The following KCNJ6 variants were observed in gnomAD, a reference collection of about 807,000 sequenced individuals.
KCNJ6 encodes the protein G protein-activated inward rectifier potassium channel 2.
KCNJ6 carries 9 observed loss-of-function variants against 34.2 expected under a neutral mutation model. The ratio of observed to expected loss-of-function variants is 0.26; its 90% CI spans 0.16 to 0.46. The LOEUF (loss-of-function observed/expected upper bound fraction) is 0.46, where lower values mean the gene tolerates loss of function less well. Ranked by LOEUF, KCNJ6 falls within the 20% of genes least tolerant of loss-of-function variation. KCNJ6 has a pLI of 1.00. For synonymous variants in KCNJ6, 196 were observed against 207.1 expected, an observed-to-expected ratio of 0.95 and a Z score of 0.46; for missense variants, 236 against 531.3, an observed-to-expected ratio of 0.44 and a Z score of 5.46.
chr21:37,655,210 TGTGTGTGTGTGTGTGAGA>T (rs2054453377), intron 3 of KCNJ6, among the ~76,000 whole-genome samples: 1 of 87,124 alleles, frequency 1.1e-5, no homozygotes, highest in Non-Finnish European at 2.3e-5. Flanking sequence ...TGTGTGTGTG[TGTGTGTGTGTGTGTGAGA>T]GAGAGAGAGA....
In KCNJ6 at chr21:37,678,518, C is replaced by A. The variant is rs139017155; in HGVS notation, c.946+35693G>T. 5.6e-3 allele frequency among the ~76,000 whole-genome samples: 856 copies of A among 152,242 alleles called. 3 individuals carry two copies. Among genetic ancestry groups the A allele is most frequent in the Non-Finnish European group, 9.5e-3 (646 of 68,012 alleles). On this transcript the variant is annotated intron_variant, in intron 3 of 3. Transcript: ENST00000609713. ...ATAATTCCCAGAAATACCCAGAAAG[C>A]CTCCATGATAGGCAGTGGTGCCTGG...
intron 1 of KCNJ6, among the ~76,000 whole-genome samples, chr21:37,861,357 G>T (rs1044285080): frequency 3.3e-5 from 5 of 152,130 alleles, no homozygotes; most frequent in Non-Finnish European, 7.3e-5. Context: ...TCCTTATAGG[G>T]TTGTCCCTCT....
At chr21:37,872,481 G>A (rs1296743002) in intron 1 of KCNJ6, among the ~76,000 whole-genome samples, 1 of 152,180 alleles carries the variant, frequency 6.6e-6, no homozygotes, top group Non-Finnish European at 1.5e-5. Context: ...CCCAGGAGGT[G>A]CAGCCTACAG....
intron 2 of KCNJ6, among the ~76,000 whole-genome samples, chr21:37,718,948 G>GGGTGCAGGCCAGGT (rs1287761712): frequency 6.6e-6 from 1 of 152,212 alleles, no homozygotes; most frequent in African/African-American, 2.4e-5. Context: ...GTGAGGCCGT[G>GGGTGCAGGCCAGGT]GGTGCAGGCC....
At chr21:37,891,118 G>C (rs1010005423) in intron 1 of KCNJ6, among the ~76,000 whole-genome samples, 1 of 152,118 alleles carries the variant, frequency 6.6e-6, no homozygotes, top group African/African-American at 2.4e-5. Context: ...TGGGAAGCAG[G>C]GAAGGCATAG....
intron 2 of KCNJ6, among the ~76,000 whole-genome samples, chr21:37,769,238 C>T (rs1043387904): frequency 5.3e-5 from 8 of 152,080 alleles, no homozygotes; most frequent in Admixed American, 1.3e-4. Context: ...CTCTCTTCTC[C>T]GCCTGAAAAT....
At chr21:37,827,148 T>C (rs2055403020) in intron 2 of KCNJ6, among the ~76,000 whole-genome samples, 1 of 152,154 alleles carries the variant, frequency 6.6e-6, no homozygotes, top group Admixed American at 6.5e-5. Context: ...CAGGGAATGA[T>C]ATTTGGTTTG....
intron 2 of KCNJ6, among the ~76,000 whole-genome samples, chr21:37,738,757 G>A (rs2054925594): frequency 6.6e-6 from 1 of 152,168 alleles, no homozygotes; most frequent in South Asian, 2.1e-4. Flanking sequence ...TTGTGTGTTT[G>A]TTTTTAATGG....
At chr21:37,818,939 T>G (rs1027703126) in intron 2 of KCNJ6, among the ~76,000 whole-genome samples, 1 of 152,026 alleles carries the variant, frequency 6.6e-6, no homozygotes, top group African/African-American at 2.4e-5. Context: ...AAGTCAGAAA[T>G]ATTAACAGAC....
intron 2 of KCNJ6, among the ~76,000 whole-genome samples, chr21:37,807,633 T>C (rs2055300173): frequency 6.6e-6 from 1 of 152,226 alleles, no homozygotes; most frequent in Admixed American, 6.5e-5. Context: ...CTACACAGGC[T>C]TGTGGCCTAG....
rs529632960 is a variant in KCNJ6, at chr21:37,755,782, G to C, written c.26-40651C>G. On this transcript the variant is annotated intron_variant, in intron 2 of 3. Transcript: ENST00000609713. The stretch of plus-strand genomic sequence containing the variant: ...GCCTCCGGGTGAGAAGGATGGATAC[G>C]AGGGTGCGGTACAGGCAGCAGGAGC... 8.0e-4 allele frequency among the ~76,000 whole-genome samples: 122 copies of C among 152,324 alleles called. No individual in the cohort carries two copies. The Middle Eastern group carries it at 0.01, about 13-fold the overall frequency.
chr21:37,750,501 C>T lies in KCNJ6; in HGVS notation c.26-35370G>A, dbSNP rs568859950. ...ACCTAAACGCCCATCAATGATAGAC[C>T]GGATAAAGAAAATGTGGCAGATATA... On this transcript the variant is annotated intron_variant, in intron 2 of 3. Transcript: ENST00000609713. Among the ~76,000 whole-genome samples the T allele has an allele frequency of 5.9e-4, 90 of 152,118 alleles. 1 individual carries two copies. The highest frequency in any genetic ancestry group is 5.5e-3 in the Admixed American group (84 of 15,278).
At chr21:37,875,474 G>T (rs923960931) in intron 1 of KCNJ6, among the ~76,000 whole-genome samples, 2 of 152,126 alleles carry the variant, frequency 1.3e-5, no homozygotes, top group African/African-American at 4.8e-5. Context: ...AGCAGCCAGG[G>T]CGCTAATCTT....
chr21:37,795,266 T>C lies in KCNJ6; in HGVS notation c.25+45392A>G, dbSNP rs571151679. ...AGGTAAACTTCTGTGTTTTAGAAGA[T>C]TGATTTGTGTGGAGGTGTCCTCCCC... On this transcript the variant is annotated intron_variant, in intron 2 of 3. Transcript: ENST00000609713. 2.1e-4 allele frequency among the ~76,000 whole-genome samples: 32 copies of C among 152,264 alleles called. No homozygotes were observed. In the East Asian group the frequency reaches 2.9e-3, roughly 14 times the overall value.
chr21:37,859,233 G>A (rs1166911132), intron 1 of KCNJ6, among the ~76,000 whole-genome samples: 1 of 151,602 alleles, frequency 6.6e-6, no homozygotes, highest in African/African-American at 2.4e-5. Flanking sequence ...AAGTAAAAAA[G>A]CTATTTATAA....
Position 37,616,631 on chromosome 21 carries a change from C to CATATATATATATATATATATATAT in KCNJ6, c.*8527_*8528insATATATATATATATATATATATAT, listed in dbSNP as rs2054269302. Reference sequence around the variant, plus strand: ...TATATATATATGGTTAGACTCTGAACATATACGCTCGGTTAAAATTGGTGG... The same window carrying CATATATATATATATATATATATAT: ...TATATATATATGGTTAGACTCTGAACATATATATATATATATATATATATATATACGCTCGGTTAAAATTGGTGG... On this transcript the variant is annotated 3_prime_UTR_variant, in exon 4 of 4. Coordinates refer to ENST00000609713, the MANE Select transcript of KCNJ6 (RefSeq NM_002240.5). 1.1e-5 allele frequency: 1 copy of CATATATATATATATATATATATAT among 93,198 alleles called. No homozygotes were observed. 5.8% of individuals were successfully genotyped at this position (93,198 alleles called of 1,614,324 possible).
At chr21:37,875,609 G>A (rs1300776728) in intron 1 of KCNJ6, among the ~76,000 whole-genome samples, 2 of 152,190 alleles carry the variant, frequency 1.3e-5, no homozygotes, top group South Asian at 2.1e-4. Context: ...TTACTGTTTC[G>A]ATTTTCCCTT....
chr21:37,728,689 T>G (rs966431759), intron 2 of KCNJ6, among the ~76,000 whole-genome samples: 2 of 110,228 alleles, frequency 1.8e-5, no homozygotes, highest in Non-Finnish European at 3.6e-5. Flanking sequence ...TATGTGTGTG[T>G]GTGTGTGTGT....
rs537872522 is a variant in KCNJ6 at position 37,885,477 on chromosome 21, T to A, written c.-28+30407A>T. ...ATTAAGATTCCCAATGAATTGACTT[T>A]AAGAGAGGGAGATGATCCTGTGGGG... On this transcript the variant is annotated intron_variant, in intron 1 of 3. Coordinates refer to ENST00000609713, the MANE Select transcript of KCNJ6 (RefSeq NM_002240.5). 2.6e-5 allele frequency among the ~76,000 whole-genome samples: 4 copies of A among 152,288 alleles called. No homozygotes were observed. The South Asian group carries it at 8.3e-4, about 32-fold the overall frequency.
Sources: allele counts gnomAD v4.1 joint callset (sites outside exome capture counted in the v4.1 genomes callset), GRCh38; gene constraint gnomAD v4.1.1; transcripts MANE v1.5; gene names NCBI Gene and HGNC (gene_info 2026-07-23, HGNC 2026-07-21).